The following ATF2 variants were observed in gnomAD, a reference collection of about 807,000 sequenced individuals.
The protein encoded by ATF2 is activating transcription factor 2.
In ATF2, 24 loss-of-function variants were observed where a neutral mutation model predicts 60.6. The ratio of observed to expected loss-of-function variants is 0.40; its 90% CI spans 0.29 to 0.56. The LOEUF (loss-of-function observed/expected upper bound fraction) is 0.56. Among genes scored for constraint, ATF2 ranks in the 20% least tolerant of loss-of-function variants. The probability of loss-of-function intolerance (pLI) is 0.54; values close to 1 mark genes in which losing one functional copy is unlikely to be tolerated. For missense variants in ATF2, 433 were observed against 607.7 expected (o/e 0.71, Z 3.02); for synonymous variants, 206 against 215.4 (o/e 0.96, Z 0.38).
intron 1 of ATF2, among the ~76,000 whole-genome samples, chr2:175,156,402 A>G (rs1363998457): frequency 6.9e-6 from 1 of 144,154 alleles, no homozygotes; most frequent in Non-Finnish European, 1.5e-5. Flanking sequence ...AAAAAAAAAA[A>G]AGGACTACAG....
At chr2:175,114,659 A>G (rs1559080319) in intron 8 of ATF2, 31 bp downstream of exon 8, 7 of 1,598,360 alleles carry the variant, frequency 4.4e-6, no homozygotes, top group Non-Finnish European at 6.0e-6. Flanking sequence ...TAATTCATGT[A>G]TATGTTCAAT....
At position 175,078,510 on chromosome 2, in the gene ATF2, A is replaced by G. The variant is rs531263010; in HGVS notation, c.1291+2150T>C. Among the ~76,000 whole-genome samples the G allele has an allele frequency of 2.6e-5, 4 of 151,566 alleles. No homozygotes were observed. The South Asian group carries it at 8.5e-4, about 32-fold the overall frequency. ...ATATTACTTAACTGTTGGGGTGACT[A>G]ACTGTCATGGTTTTCCCACGACTGA... On this transcript the variant is annotated intron_variant, in intron 13 of 13. Transcript: ENST00000264110.
intron 2 of ATF2, among the ~76,000 whole-genome samples, chr2:175,139,245 T>C (rs568046842): frequency 1.3e-5 from 2 of 152,264 alleles, no homozygotes; most frequent in African/African-American, 4.8e-5. Flanking sequence ...TAAAAGAAAT[T>C]ATATCAGTTG....
At chr2:175,167,813 C>G in intron 1 of ATF2, 1 of 439,558 alleles carries the variant, frequency 2.3e-6, no homozygotes, top group Non-Finnish European at 4.9e-6. Context: ...ACAACGAACG[C>G]TGGTTACCTA....
intron 1 of ATF2, chr2:175,167,670 A>C: frequency 2.0e-6 from 1 of 506,370 alleles, no homozygotes; most frequent in South Asian, 1.5e-5. Flanking sequence ...CACACGGCTG[A>C]CTCGACGCGC....
intron 3 of ATF2, chr2:175,132,883 C>G (rs983022528): frequency 1.3e-5 from 2 of 152,010 alleles, no homozygotes; most frequent in Non-Finnish European, 2.9e-5. Context: ...GTCAGAAGTT[C>G]GAGACAAGCC....
In ATF2 at chr2:175,153,630, C is replaced by T. The variant is rs1699455861; in HGVS notation, c.-142-2472G>A. Among the ~76,000 whole-genome samples, 3 of 152,116 alleles carry T rather than the reference C, an allele frequency of 2.0e-5. No individual in the cohort carries two copies. The South Asian group carries it at 6.2e-4, about 32-fold the overall frequency. ...GGATCACAAGGTCAGGAGTTCGAGA[C>T]CAGCCTGGCCAATATGGTGAAACCC... On this transcript the variant is annotated intron_variant, in intron 1 of 13. Transcript: ENST00000264110.
intron 10 of ATF2, among the ~76,000 whole-genome samples, chr2:175,107,964 A>T (rs1574383468): frequency 6.6e-6 from 1 of 152,072 alleles, no homozygotes; most frequent in Non-Finnish European, 1.5e-5. Flanking sequence ...AAGTGCCGAG[A>T]TTGCACCCTC....
At chr2:175,120,298 CA>C (rs1198646844) in intron 5 of ATF2, among the ~76,000 whole-genome samples, 398 of 133,696 alleles carry the variant, frequency 3.0e-3, no homozygotes, top group African/African-American at 4.7e-3. Context: ...TAAAATACTC[CA>C]AAAAAAAAAA....
chr2:175,128,454 T>C (rs1337511077), intron 4 of ATF2, among the ~76,000 whole-genome samples: 1 of 151,644 alleles, frequency 6.6e-6, no homozygotes, highest in Non-Finnish European at 1.5e-5. Flanking sequence ...GAGCCGAGAT[T>C]GTGCCATTGC....
At chr2:175,143,603 A>G (rs1218924258) in intron 2 of ATF2, among the ~76,000 whole-genome samples, 1 of 152,178 alleles carries the variant, frequency 6.6e-6, no homozygotes, top group Non-Finnish European at 1.5e-5. Flanking sequence ...ATTGATTTCT[A>G]CTTTACCAGC....
chr2:175,107,791 G>C (rs2105655070), intron 10 of ATF2, among the ~76,000 whole-genome samples: 1 of 152,360 alleles, frequency 6.6e-6, no homozygotes, highest in South Asian at 2.1e-4. Context: ...CTGGTCTCCA[G>C]CTCCTAACCG....
intron 4 of ATF2, among the ~76,000 whole-genome samples, chr2:175,123,209 T>C (rs62184473): frequency 0.038 from 5,815 of 152,150 alleles, 130 homozygotes; most frequent in Admixed American, 0.093. Context: ...TTTTGACAGA[T>C]TGCTGAATAA....
intron 12 of ATF2, among the ~76,000 whole-genome samples, chr2:175,087,069 G>GA (rs61675152): frequency 5.7e-4 from 85 of 150,118 alleles, no homozygotes; most frequent in Middle Eastern, 3.4e-3. Context: ...AATATTAAAT[G>GA]AAAAAAAAAT....
intron 10 of ATF2, among the ~76,000 whole-genome samples, chr2:175,110,747 A>C (rs1051632168): frequency 6.6e-6 from 1 of 152,098 alleles, no homozygotes; most frequent in Non-Finnish European, 1.5e-5. Context: ...CTAGGATTAC[A>C]GGCATGCACC....
At chr2:175,162,239 C>G (rs1700073581) in intron 1 of ATF2, among the ~76,000 whole-genome samples, 1 of 152,132 alleles carries the variant, frequency 6.6e-6, no homozygotes, top group Non-Finnish European at 1.5e-5. Context: ...TCACATAGAT[C>G]ACTGGTAGAT....
intron 10 of ATF2, among the ~76,000 whole-genome samples, chr2:175,109,707 T>A (rs1317088686): frequency 6.6e-6 from 1 of 152,228 alleles, no homozygotes; most frequent in Non-Finnish European, 1.5e-5. Flanking sequence ...CTATATCTGC[T>A]CTATTCAGTT....
chr2:175,166,928 C>T (rs1700386346), intron 1 of ATF2, among the ~76,000 whole-genome samples: 1 of 152,096 alleles, frequency 6.6e-6, no homozygotes, highest in South Asian at 2.1e-4. Flanking sequence ...AAATAATAGC[C>T]AGGAAAGCAT....
Position 175,118,102 on chromosome 2 carries a change from G to C in ATF2, c.335C>G (p.Ser112Cys). 6.2e-7 allele frequency: 1 copy of C among 1,611,314 alleles called. No homozygotes were observed. Among genetic ancestry groups the C allele is most frequent in the Non-Finnish European group, 8.5e-7 (1 of 1,178,380 alleles). ...DDIKKMPLDL[S>C]PLATPIIRSK... The stretch of plus-strand genomic sequence containing the variant: ...TCTTATGATAGGTGTTGCAAGAGGG[G>C]ATAAATCTAGAGGCATCTATAATTC... Residue 112 changes from serine to cysteine, a missense_variant, in exon 7 of 14, where the codon TCC becomes TGC. Physicochemically the swap from Ser to Cys is moderately radical, Grantham distance 112. This residue lies in a region of ATF2 where 246 missense variants were observed against 309.3 expected (regional missense o/e 0.80). Transcript: ENST00000264110.
Sources: gnomAD v4.1 joint callset for allele counts (sites outside exome capture counted in the v4.1 genomes callset) on GRCh38, gnomAD v4.1.1 for gene constraint, gnomAD v4.1.1 regional missense constraint, MANE v1.5 for transcripts, NCBI Gene and HGNC (gene_info 2026-07-23, HGNC 2026-07-21) for gene names.